PCDH15: variants seen among roughly 807,000 people sequenced by gnomAD.
PCDH15 encodes protocadherin related 15.
In PCDH15, 129 loss-of-function variants were observed where a neutral mutation model predicts 178.5. The ratio of observed to expected loss-of-function variants is 0.72; its 90% CI spans 0.63 to 0.84. The LOEUF (loss-of-function observed/expected upper bound fraction) is 0.84, where lower values mean the gene tolerates loss of function less well. Ranked by LOEUF, PCDH15 falls within the 40% of genes least tolerant of loss-of-function variation. PCDH15 has a pLI of 0.00. For missense variants in PCDH15, 2,230 were observed against 2,099.9 expected (o/e 1.06, Z -1.21); for synonymous variants, 800 against 732.0 (o/e 1.09, Z -1.50).
intron 3 of PCDH15, among the ~76,000 whole-genome samples, chr10:54,873,759 CGTGTGTGTGTGTGTT>C (rs1564591259): frequency 7.4e-6 from 1 of 135,926 alleles, no homozygotes. Context: ...TATACATATA[CGTGTGTGTGTGTGTT>C]GTGTGTGTGT....
At chr10:54,234,132 CTGTGTG>C (rs35466519) in intron 9 of PCDH15, among the ~76,000 whole-genome samples, 2,572 of 138,528 alleles carry the variant, frequency 0.019, 30 homozygotes, top group Non-Finnish European at 0.025. Flanking sequence ...ATATCCCCTT[CTGTGTG>C]TGTGTGTGTG....
At chr10:55,414,819 T>C (rs955983047) in intron 2 of PCDH15, among the ~76,000 whole-genome samples, 2 of 149,420 alleles carry the variant, frequency 1.3e-5, no homozygotes, top group South Asian at 4.2e-4. Context: ...GTGTGTGTGT[T>C]GTGTATAGAG....
chr10:55,522,498 A>T (rs1841202295), intron 2 of PCDH15, among the ~76,000 whole-genome samples: 1 of 151,672 alleles, frequency 6.6e-6, no homozygotes, highest in Admixed American at 6.6e-5. Flanking sequence ...TTATTGCTCC[A>T]ATGTTGAGGG....
chr10:55,205,651 T>A (rs1251499647), intron 1 of PCDH15, among the ~76,000 whole-genome samples: 2 of 152,086 alleles, frequency 1.3e-5, no homozygotes, highest in Admixed American at 1.3e-4. Flanking sequence ...GTAATATTAC[T>A]GATAAGATAC....
intron 23 of PCDH15, among the ~76,000 whole-genome samples, chr10:53,950,752 T>C (rs1031311191): frequency 1.3e-5 from 2 of 152,214 alleles, no homozygotes. Context: ...TCTCAAGTAG[T>C]ATGTGTTTGA....
chr10:54,041,751 A>G (rs894302343), intron 18 of PCDH15, among the ~76,000 whole-genome samples: 1 of 152,126 alleles, frequency 6.6e-6, no homozygotes, highest in Non-Finnish European at 1.5e-5. Flanking sequence ...TGGGTTCAAA[A>G]AGGAAATGAC....
chr10:54,370,370 A>G (rs892746784), intron 4 of PCDH15, among the ~76,000 whole-genome samples: 4 of 151,776 alleles, frequency 2.6e-5, no homozygotes, highest in African/African-American at 9.6e-5. Flanking sequence ...TCTTTATTGC[A>G]TTTCTCACCG....
rs2086515714 is a variant in PCDH15, at chr10:53,945,855, ATATATATATATAT to A, written c.3123-4893_3123-4881del. Reference sequence around the variant, plus strand: ...TTTCATTGTATATATATATATATATATATATATATATATATATATATATATATCACATTTTCTT... The same window carrying A: ...TTTCATTGTATATATATATATATATAATATATATATATATCACATTTTCTT... On this transcript the variant is annotated intron_variant, in intron 23 of 37. Coordinates refer to ENST00000644397, the MANE Select transcript of PCDH15 (RefSeq NM_001384140.1). Among the ~76,000 whole-genome samples the A allele has an allele frequency of 3.7e-5, 5 of 133,574 alleles. No homozygotes were observed. The South Asian group carries it at 1.1e-3, about 31-fold the overall frequency. The allele number at this position is 133,574 out of a possible 152,430, so 87.6% of individuals were successfully genotyped here.
At chr10:53,824,126 T>TAACAAAA (rs1425406617) in intron 32 of PCDH15, among the ~76,000 whole-genome samples, 3 of 133,946 alleles carry the variant, frequency 2.2e-5, no homozygotes, top group Non-Finnish European at 4.7e-5. Flanking sequence ...AAACTCACCT[T>TAACAAAA]AACAAAAAGA....
At chr10:55,450,600 T>C (rs978280530) in intron 2 of PCDH15, among the ~76,000 whole-genome samples, 3 of 152,140 alleles carry the variant, frequency 2.0e-5, no homozygotes, top group East Asian at 1.9e-4. Flanking sequence ...TACTGGTACA[T>C]TGTTCAAATT....
chr10:55,264,387 G>A (rs1254281521), intron 1 of PCDH15, among the ~76,000 whole-genome samples: 2 of 152,074 alleles, frequency 1.3e-5, no homozygotes, highest in Admixed American at 1.3e-4. Flanking sequence ...GAACTCACAG[G>A]TTGTTGGCAG....
intron 20 of PCDH15, among the ~76,000 whole-genome samples, chr10:54,016,109 A>T (rs944427288): frequency 3.3e-5 from 5 of 152,286 alleles, no homozygotes; most frequent in African/African-American, 1.2e-4. Flanking sequence ...TGGGCAAAAG[A>T]TATGAACGCA....
chr10:55,296,873 T>C (rs1156646403), intron 1 of PCDH15, among the ~76,000 whole-genome samples: 2 of 152,196 alleles, frequency 1.3e-5, no homozygotes, highest in Admixed American at 6.6e-5. Flanking sequence ...ATTGTCCCTT[T>C]GTACCTCCTT....
chr10:55,421,392 C>T (rs1017599839), intron 2 of PCDH15, among the ~76,000 whole-genome samples: 5 of 146,208 alleles, frequency 3.4e-5, no homozygotes, highest in South Asian at 4.3e-4. Context: ...AAATTATTTG[C>T]GTAAATTTTA....
At chr10:54,083,947 C>T (rs979005549) in intron 16 of PCDH15, among the ~76,000 whole-genome samples, 1 of 151,970 alleles carries the variant, frequency 6.6e-6, no homozygotes, top group African/African-American at 2.4e-5. Context: ...AAAATTTGGC[C>T]AGGCGCGGTG....
intron 2 of PCDH15, among the ~76,000 whole-genome samples, chr10:54,992,648 G>A (rs1056986993): frequency 9.9e-5 from 15 of 151,760 alleles, no homozygotes; most frequent in Admixed American, 4.6e-4. Context: ...CCAGCTACTC[G>A]GGAGGCTGAG....
chr10:54,685,782 C>G (rs1565939752), intron 1 of PCDH15, among the ~76,000 whole-genome samples: 2 of 152,114 alleles, frequency 1.3e-5, no homozygotes, highest in Non-Finnish European at 2.9e-5. Context: ...TGGGCAAAAT[C>G]ATCTAATACA....
intron 14 of PCDH15, among the ~76,000 whole-genome samples, chr10:54,143,533 T>C (rs2133205702): frequency 6.6e-6 from 1 of 152,272 alleles, no homozygotes; most frequent in East Asian, 1.9e-4. Flanking sequence ...GAGAGGAAAA[T>C]TCCAGGGCAC....
At chr10:55,085,016 G>A (rs1842132519) in intron 2 of PCDH15, among the ~76,000 whole-genome samples, 1 of 151,910 alleles carries the variant, frequency 6.6e-6, no homozygotes, top group Middle Eastern at 3.2e-3. Flanking sequence ...GAACAGTATG[G>A]AAGTTCCTCA....
Sources: gnomAD v4.1 joint callset for allele counts (sites outside exome capture counted in the v4.1 genomes callset) on GRCh38, gnomAD v4.1.1 for gene constraint, MANE v1.5 for transcripts, NCBI Gene and HGNC (gene_info 2026-07-23, HGNC 2026-07-21) for gene names.